The following XRN1 variants were observed in gnomAD, a reference collection of about 807,000 sequenced individuals.
XRN1 encodes the protein strand-exchange protein 1 homolog.
Under a neutral mutation model 222.3 loss-of-function variants are expected in XRN1, and 67 were observed. The observed-to-expected ratio is 0.30, with a 90% confidence interval of 0.25 to 0.37. The LOEUF (loss-of-function observed/expected upper bound fraction) is 0.37, where lower values mean the gene tolerates loss of function less well. XRN1 is among the 10% of genes least tolerant of loss of function. The probability of loss-of-function intolerance (pLI) is 1.00; values close to 1 mark genes in which losing one functional copy is unlikely to be tolerated. For synonymous variants in XRN1, 643 were observed against 652.4 expected (o/e 0.99, Z 0.22); for missense variants, 1,707 against 2,000.2 (o/e 0.85, Z 2.80).
rs2068234737 is a variant in XRN1, at chr3:142,403,740, G to C, written c.2037C>G (p.Phe679Leu). The C allele has an allele frequency of 6.2e-7, 1 of 1,612,904 alleles. No homozygotes were observed. The highest frequency in any genetic ancestry group is 1.3e-5 in the African/African-American group (1 of 74,856). ...FFLKKSGVQV[F>L]QQSSRGENMM... ...TGTTTTCTCCACGACTGCTTTGCTG[G>C]AATACTTGAACACCACTTTTCTTCA... The change falls in exon 18 of 41, where the codon TTC becomes TTG. Residue 679 changes from phenylalanine to leucine, a missense_variant. Physicochemically the swap from Phe to Leu is conservative, Grantham distance 22. Around this residue, in one of 2 missense-constraint regions of XRN1, gnomAD observed 1,234 missense variants for 1,518.2 expected, o/e 0.81. Transcript: ENST00000392981.
chr3:142,317,719 G>C (rs894604514), intron 39 of XRN1, among the ~76,000 whole-genome samples: 1 of 152,110 alleles, frequency 6.6e-6, no homozygotes, highest in South Asian at 2.1e-4. Flanking sequence ...TTCAGCACAT[G>C]CCTCCTCTTT....
chr3:142,407,763 G>A (rs148356108), intron 15 of XRN1: 211 of 152,196 alleles, frequency 1.4e-3, no homozygotes, highest in African/African-American at 4.8e-3. Context: ...TACTGCTGAA[G>A]AGAGCACTGT....
In XRN1 at chr3:142,397,324, C is replaced by A; in HGVS notation, c.2339+5G>T. 1 of 1,576,428 alleles carries A rather than the reference C, an allele frequency of 6.3e-7. No homozygotes were observed. The highest frequency in any genetic ancestry group is 8.6e-7 in the Non-Finnish European group (1 of 1,163,350). On this transcript the variant is annotated splice_donor_5th_base_variant and intron_variant, in intron 20 of 40. Coordinates refer to ENST00000392981, the MANE Select transcript of XRN1 (RefSeq NM_001282857.2). ...ATGATATTAAATACTTTTAACGATA[C>A]TCACTGTTCTGAAATTCCTTGTACT... is the stretch of plus-strand genomic sequence containing the variant.
Position 142,447,165 on chromosome 3 carries a change from A to G in XRN1, c.75+705T>C, listed in dbSNP as rs939005201. On this transcript the variant is annotated intron_variant, in intron 1 of 40. Transcript: ENST00000392981. The surrounding 1 kb of genome is among the most constrained non-coding windows in gnomAD (Gnocchi z 4.2). ...TTGTCCTGGGGTCAGTACATGCCAA[A>G]TATTATTAGTAGTATTAATGTTCTA... Among the ~76,000 whole-genome samples, 1 of 152,120 alleles carries G rather than the reference A, an allele frequency of 6.6e-6. No individual in the cohort carries two copies. The highest frequency in any genetic ancestry group is 1.5e-5 in the Non-Finnish European group (1 of 68,036).
chr3:142,355,254 A>AG, intron 32 of XRN1, 147 bp downstream of exon 32: 1 of 337,336 alleles, frequency 3.0e-6, no homozygotes. Context: ...GAAATTATTT[A>AG]AAAAAAGAAA....
intron 27 of XRN1, among the ~76,000 whole-genome samples, chr3:142,366,153 A>T (rs2066804993): frequency 6.6e-6 from 1 of 152,198 alleles, no homozygotes; most frequent in East Asian, 1.9e-4. Context: ...TCTATCTAAT[A>T]AAAAAGTGAG....
rs2065999633 is a variant in XRN1 at position 142,341,705 on chromosome 3, A to C, written c.3877+5529T>G. Among the ~76,000 whole-genome samples the C allele has an allele frequency of 2.0e-5, 3 of 152,154 alleles. No homozygotes were observed. In the South Asian group the frequency reaches 6.2e-4, roughly 32 times the overall value. ...ACACATCACCTATAAAGACACATGC[A>C]GACAAATAAAGGGATGGAAAAAGTT... On this transcript the variant is annotated intron_variant, in intron 33 of 40. Coordinates refer to ENST00000392981, the MANE Select transcript of XRN1 (RefSeq NM_001282857.2).
chr3:142,409,851 G>A (rs1355297173), intron 15 of XRN1, among the ~76,000 whole-genome samples: 1 of 152,114 alleles, frequency 6.6e-6, no homozygotes, highest in Non-Finnish European at 1.5e-5. Flanking sequence ...CACATATGTT[G>A]TTAAGTTTAT....
In XRN1 at chr3:142,405,027, T is replaced by G; in HGVS notation, c.1763A>C (p.Glu588Ala). ...ACTATGTTGGTTTCTTTTCCTCTCT[T>G]CCTTTTTGAGGGAGTGGTTACATGT... The part of the protein sequence containing the change: ...METCNHSLKK[E>A]ERKRNQHSEC... Residue 588 changes from glutamate (E) to alanine (A), a missense_variant, in exon 16 of 41, where the codon GAA becomes GCA. By Grantham distance (107) the Glu-to-Ala change is moderately radical (BLOSUM62 -1). Transcript: ENST00000392981. 3 of 1,614,006 alleles carry G rather than the reference T, an allele frequency of 1.9e-6. No homozygotes were observed. The highest frequency in any genetic ancestry group is 1.3e-5 in the African/African-American group (1 of 75,028).
intron 21 of XRN1, 30 bp downstream of exon 21, chr3:142,384,493 A>G (rs756193415): frequency 6.3e-7 from 1 of 1,581,176 alleles, no homozygotes; most frequent in South Asian, 1.2e-5. Context: ...GTGTATATTA[A>G]GACAGAATTG....
intron 1 of XRN1, among the ~76,000 whole-genome samples, chr3:142,439,071 T>C (rs1465991560): frequency 6.6e-6 from 1 of 152,178 alleles, no homozygotes; most frequent in Non-Finnish European, 1.5e-5. Context: ...AGAGTGCATG[T>C]ACCTTTTTCT....
chr3:142,413,377 G>GA (rs879829613), intron 14 of XRN1, among the ~76,000 whole-genome samples: 4 of 152,116 alleles, frequency 2.6e-5, no homozygotes, highest in African/African-American at 7.2e-5. Flanking sequence ...CAAAGGCAGG[G>GA]AAAAAACAAT....
intron 37 of XRN1, among the ~76,000 whole-genome samples, chr3:142,328,913 T>C (rs2065612813): frequency 6.7e-6 from 1 of 149,932 alleles, no homozygotes; most frequent in Non-Finnish European, 1.5e-5. Context: ...ACAACACACA[T>C]GGCTAATTTT....
intron 26 of XRN1, among the ~76,000 whole-genome samples, chr3:142,370,879 C>CA (rs549229438): frequency 6.6e-6 from 1 of 150,648 alleles, no homozygotes; most frequent in East Asian, 1.9e-4. Flanking sequence ...TGCAAAAAAA[C>CA]AAAACAAAAC....
chr3:142,346,414 C>A (rs963245789), intron 33 of XRN1, among the ~76,000 whole-genome samples: 7 of 151,814 alleles, frequency 4.6e-5, no homozygotes, highest in African/African-American at 1.5e-4. Context: ...AAATAGTTGT[C>A]ATACTGTATT....
intron 37 of XRN1, among the ~76,000 whole-genome samples, chr3:142,326,660 G>A (rs2065525600): frequency 6.6e-6 from 1 of 151,992 alleles, no homozygotes; most frequent in African/African-American, 2.4e-5. Context: ...AGGATTTCCA[G>A]TACTATATTA....
At chr3:142,312,561 A>G (rs2065105686) in intron 40 of XRN1, 37 bp downstream of exon 40, 1 of 1,481,382 alleles carries the variant, frequency 6.8e-7, no homozygotes, top group African/African-American at 1.4e-5. Flanking sequence ...TTTCAGCATT[A>G]AACAAATAAT....
intron 20 of XRN1, among the ~76,000 whole-genome samples, chr3:142,388,276 A>AT (rs34375496): frequency 0.63 from 94,985 of 151,928 alleles, 31,262 homozygotes; most frequent in African/African-American, 0.85. Flanking sequence ...TAGTAAATAT[A>AT]TTTCTCTTAT....
chr3:142,355,602 G>T, intron 31 of XRN1, 106 bp from the exon 32 acceptor site: 2 of 703,910 alleles, frequency 2.8e-6, no homozygotes, highest in South Asian at 2.9e-5. Context: ...TGGTAGACAG[G>T]ATATTAAACC....
Sources: allele counts gnomAD v4.1 joint callset (sites outside exome capture counted in the v4.1 genomes callset), GRCh38; gene constraint gnomAD v4.1.1; regional missense constraint gnomAD v4.1.1; non-coding constraint Gnocchi (gnomAD v3.1); transcripts MANE v1.5; gene names NCBI Gene and HGNC (gene_info 2026-07-23, HGNC 2026-07-21).